RGL1: variants seen among roughly 807,000 people sequenced by gnomAD.
The protein encoded by RGL1 is ral guanine nucleotide dissociation stimulator like 1.
Under a neutral mutation model 95.2 loss-of-function variants are expected in RGL1, and 24 were observed. That is an observed-to-expected ratio of 0.25 (90% CI 0.18 to 0.35). RGL1 has a LOEUF of 0.35. Ranked by LOEUF, RGL1 falls within the 10% of genes least tolerant of loss-of-function variation. RGL1 has a pLI of 1.00. For synonymous variants in RGL1, 329 were observed against 344.9 expected, an observed-to-expected ratio of 0.95 and a Z score of 0.51; for missense variants, 715 against 936.3, an observed-to-expected ratio of 0.76 and a Z score of 3.08.
chr1:183,825,167 C>T (rs1662761791), intron 2 of RGL1, among the ~76,000 whole-genome samples: 1 of 152,050 alleles, frequency 6.6e-6, no homozygotes, highest in Admixed American at 6.6e-5. Flanking sequence ...CTTTGTGGTG[C>T]TGGTGGGAGG....
At chr1:183,920,481 C>T (rs1338259473) in intron 16 of RGL1, among the ~76,000 whole-genome samples, 2 of 152,214 alleles carry the variant, frequency 1.3e-5, no homozygotes. Context: ...TTTGATTCAG[C>T]ATCGCTTTGA....
At chr1:183,743,032 G>A in intron 2 of RGL1, among the ~76,000 whole-genome samples, 1 of 151,950 alleles carries the variant, frequency 6.6e-6, no homozygotes, top group East Asian at 1.9e-4. Context: ...TTTTTTTGGA[G>A]ACAGGATCTT....
chr1:183,722,706 T>C (rs891366442), intron 1 of RGL1, among the ~76,000 whole-genome samples: 1 of 152,170 alleles, frequency 6.6e-6, no homozygotes, highest in African/African-American at 2.4e-5. Context: ...ATTTTGTCAA[T>C]CTAAAATTCT....
intron 13 of RGL1, among the ~76,000 whole-genome samples, chr1:183,906,773 A>G (rs983791746): frequency 7.1e-6 from 1 of 140,120 alleles, no homozygotes; most frequent in South Asian, 2.3e-4. Flanking sequence ...AACACGCAGA[A>G]CTAAATAGCC....
At chr1:183,778,407 A>T (rs1659713194) in intron 2 of RGL1, among the ~76,000 whole-genome samples, 1 of 152,230 alleles carries the variant, frequency 6.6e-6, no homozygotes, top group Non-Finnish European at 1.5e-5. Flanking sequence ...ATAAAAGAGT[A>T]GGGGTTTTCC....
At chr1:183,746,544 G>C (rs80139005) in intron 2 of RGL1, among the ~76,000 whole-genome samples, 1 of 150,936 alleles carries the variant, frequency 6.6e-6, no homozygotes, top group South Asian at 2.1e-4. Context: ...ATTATTCATC[G>C]TTATGTGGAT....
chr1:183,706,683 T>A (rs908860533), intron 1 of RGL1, among the ~76,000 whole-genome samples: 9 of 141,260 alleles, frequency 6.4e-5, no homozygotes, highest in Non-Finnish European at 1.4e-4. Context: ...GGAGGTGGAT[T>A]GCTAGGAGGC....
chr1:183,731,529 C>T (rs1023526604), intron 1 of RGL1, among the ~76,000 whole-genome samples: 5 of 152,114 alleles, frequency 3.3e-5, no homozygotes, highest in Non-Finnish European at 7.4e-5. Flanking sequence ...TGGCCTTTCC[C>T]CTGCTACCTT....
intron 17 of RGL1, among the ~76,000 whole-genome samples, chr1:183,922,870 G>C (rs1416078009): frequency 1.3e-5 from 2 of 152,186 alleles, no homozygotes; most frequent in Non-Finnish European, 2.9e-5. Flanking sequence ...TTGAGGCAAA[G>C]AACTGGTAAT....
intron 5 of RGL1, among the ~76,000 whole-genome samples, chr1:183,883,272 GAA>G (rs1666927069): frequency 6.6e-6 from 1 of 152,188 alleles, no homozygotes; most frequent in African/African-American, 2.4e-5. Flanking sequence ...GGTGGAAGTT[GAA>G]AGTGACTCTG....
At chr1:183,896,623 G>C (rs1667717212) in intron 9 of RGL1, among the ~76,000 whole-genome samples, 1 of 152,114 alleles carries the variant, frequency 6.6e-6, no homozygotes, top group Non-Finnish European at 1.5e-5. Flanking sequence ...ATAAATCTCA[G>C]GAAAAGTGAC....
intron 2 of RGL1, among the ~76,000 whole-genome samples, chr1:183,743,006 G>A (rs1657405743): frequency 6.6e-6 from 1 of 151,934 alleles, no homozygotes; most frequent in Admixed American, 6.6e-5. Flanking sequence ...AAAGCTAGAG[G>A]TTTTTATGTT....
chr1:183,916,303 G>A (rs1668964760), intron 15 of RGL1, 144 bp from the exon 16 acceptor site: 6 of 963,106 alleles, frequency 6.2e-6, no homozygotes, highest in Non-Finnish European at 7.9e-6. Flanking sequence ...TTACACCAGG[G>A]ATGAGACACA....
At chr1:183,888,711 T>A (rs1485400312) in intron 8 of RGL1, 134 bp downstream of exon 8, 1 of 619,608 alleles carries the variant, frequency 1.6e-6, no homozygotes, top group African/African-American at 1.8e-5. Flanking sequence ...TCAGGCAGGG[T>A]GCATCTTACA....
Position 183,878,150 on chromosome 1 carries a change from T to TCTATCTA in RGL1, c.426-2466_426-2465insCTATCTA, listed in dbSNP as rs1558266355. Among the ~76,000 whole-genome samples the TCTATCTA allele has an allele frequency of 6.7e-3, 751 of 111,636 alleles. 1 individual carries two copies. Among genetic ancestry groups the TCTATCTA allele is most frequent in the East Asian group, 0.013 (53 of 3,928 alleles). 73.2% of individuals were successfully genotyped at this position (111,636 alleles called of 152,430 possible). On this transcript the variant is annotated intron_variant, in intron 4 of 17. Coordinates refer to ENST00000360851, the MANE Select transcript of RGL1 (RefSeq NM_001297671.3). The stretch of plus-strand genomic sequence containing the variant: ...GTAAAAAAGCCCATGTTGATTTTCT[T>TCTATCTA]TCTATCTATCTATCTATCTATCTAT...
At chr1:183,907,134 G>A in intron 14 of RGL1, 33 bp downstream of exon 14, 2 of 1,347,672 alleles carry the variant, frequency 1.5e-6, no homozygotes, top group Non-Finnish European at 2.1e-6. Context: ...GGGGCTCCAA[G>A]AGGGTGCCAT....
intron 2 of RGL1, among the ~76,000 whole-genome samples, chr1:183,832,698 G>A (rs1002998017): frequency 4.6e-5 from 7 of 152,178 alleles, no homozygotes; most frequent in African/African-American, 1.7e-4. Flanking sequence ...CTGCCTCTTA[G>A]CTGTGTGACC....
At chr1:183,763,425 G>A (rs1314444573) in intron 2 of RGL1, among the ~76,000 whole-genome samples, 1 of 152,108 alleles carries the variant, frequency 6.6e-6, no homozygotes, top group African/African-American at 2.4e-5. Flanking sequence ...GTGCTATAAA[G>A]TGAAGCACAA....
intron 11 of RGL1, among the ~76,000 whole-genome samples, chr1:183,901,704 C>T (rs1668037571): frequency 6.6e-6 from 1 of 151,996 alleles, no homozygotes; most frequent in Non-Finnish European, 1.5e-5. Context: ...TGTTCCCCCT[C>T]TCTCTACCCC....
Sources: gnomAD v4.1 joint callset for allele counts (sites outside exome capture counted in the v4.1 genomes callset) on GRCh38, gnomAD v4.1.1 for gene constraint, MANE v1.5 for transcripts, NCBI Gene and HGNC (gene_info 2026-07-23, HGNC 2026-07-21) for gene names.